CAMTA1: variants seen among roughly 807,000 people sequenced by gnomAD.
CAMTA1 encodes the protein calmodulin-binding transcription activator 1.
A neutral mutation model predicts 170.9 loss-of-function variants in CAMTA1; 27 were observed. The ratio of observed to expected loss-of-function variants is 0.16; its 90% confidence interval spans 0.12 to 0.22. The LOEUF (loss-of-function observed/expected upper bound fraction) is 0.22, where lower values mean the gene tolerates loss of function less well. Ranked by LOEUF, CAMTA1 falls within the 10% of genes least tolerant of loss-of-function variation. The pLI is 1.00. For synonymous variants in CAMTA1, 833 were observed against 891.5 expected (o/e 0.93, Z 1.17); for missense variants, 1,619 against 2,217.2 (o/e 0.73, Z 5.42).
intron 5 of CAMTA1, among the ~76,000 whole-genome samples, chr1:7,444,490 C>G (rs980489823): frequency 3.9e-5 from 6 of 152,238 alleles, no homozygotes; most frequent in African/African-American, 1.4e-4. Flanking sequence ...GTTCTGTTTG[C>G]TGCTTCCCTC....
intron 5 of CAMTA1, among the ~76,000 whole-genome samples, chr1:7,442,632 T>C (rs1575355362): frequency 6.6e-6 from 1 of 152,254 alleles, no homozygotes; most frequent in Middle Eastern, 3.4e-3. Context: ...CCTGCCTCCA[T>C]GGTTTACTCA....
chr1:7,517,375 CT>C (rs1273712988), intron 6 of CAMTA1, among the ~76,000 whole-genome samples: 1 of 152,140 alleles, frequency 6.6e-6, no homozygotes, highest in Non-Finnish European at 1.5e-5. Flanking sequence ...TGGCCAAGGA[CT>C]TTAATTTCCC....
intron 5 of CAMTA1, among the ~76,000 whole-genome samples, chr1:7,404,497 G>A (rs2090146391): frequency 1.3e-5 from 2 of 152,258 alleles, no homozygotes; most frequent in South Asian, 2.1e-4. Flanking sequence ...AGAGTGGCCT[G>A]TTGCCACGCA....
chr1:7,488,505 A>C (rs1177275055), intron 6 of CAMTA1, among the ~76,000 whole-genome samples: 1 of 152,090 alleles, frequency 6.6e-6, no homozygotes, highest in Non-Finnish European at 1.5e-5. Context: ...ACACACACGC[A>C]CATACACACA....
At chr1:7,159,547 CTTGTTTTTGTTT>C (rs1158894329) in intron 4 of CAMTA1, among the ~76,000 whole-genome samples, 2 of 152,066 alleles carry the variant, frequency 1.3e-5, no homozygotes, top group African/African-American at 4.8e-5. Context: ...TGTTTTCGTT[CTTGTTTTTGTTT>C]TTGAGACAGG....
At chr1:7,421,362 C>T (rs887857827) in intron 5 of CAMTA1, among the ~76,000 whole-genome samples, 39 of 152,066 alleles carry the variant, frequency 2.6e-4, no homozygotes, top group Admixed American at 5.2e-4. Context: ...CCATGTTGGC[C>T]GGGATGGTCT....
At chr1:7,617,315 G>C (rs1228388923) in intron 6 of CAMTA1, among the ~76,000 whole-genome samples, 1 of 152,226 alleles carries the variant, frequency 6.6e-6, no homozygotes, top group East Asian at 1.9e-4. Context: ...AGATGACAGA[G>C]CACAAAAGTG....
chr1:7,731,741 G>A (rs1407556872), intron 11 of CAMTA1, among the ~76,000 whole-genome samples: 1 of 152,138 alleles, frequency 6.6e-6, no homozygotes, highest in Non-Finnish European at 1.5e-5. Context: ...GCTGGGCATG[G>A]TGGTGCACAC....
intron 11 of CAMTA1, among the ~76,000 whole-genome samples, chr1:7,686,201 G>A (rs1038686540): frequency 1.3e-5 from 2 of 152,126 alleles, no homozygotes; most frequent in African/African-American, 2.4e-5. Context: ...CTATTCTAGC[G>A]GGGGAGAAAG....
chr1:7,418,209 T>A (rs1202588783), intron 5 of CAMTA1, among the ~76,000 whole-genome samples: 3 of 152,186 alleles, frequency 2.0e-5, no homozygotes. Flanking sequence ...TTTGTTGTTG[T>A]TGTTGAGATG....
chr1:7,355,217 AAAAAAAG>A (rs2149922827), intron 5 of CAMTA1, among the ~76,000 whole-genome samples: 1 of 151,590 alleles, frequency 6.6e-6, no homozygotes, highest in African/African-American at 2.4e-5. Context: ...AAAAAAAAAA[AAAAAAAG>A]AAAGAAAAAA....
chr1:7,365,038 C>T (rs887153172), intron 5 of CAMTA1, among the ~76,000 whole-genome samples: 2 of 152,218 alleles, frequency 1.3e-5, no homozygotes, highest in African/African-American at 4.8e-5. Flanking sequence ...TGCAGAACAC[C>T]TCCCATGACC....
chr1:7,109,595 A>T (rs767440790), intron 4 of CAMTA1, among the ~76,000 whole-genome samples: 159 of 152,318 alleles, frequency 1.0e-3, no homozygotes, highest in Non-Finnish European at 1.7e-3. Context: ...TTTCAGACAG[A>T]CACGACTCAT....
intron 5 of CAMTA1, chr1:7,382,411 C>T (rs981896691): frequency 1.6e-4 from 25 of 152,220 alleles, no homozygotes; most frequent in African/African-American, 6.0e-4. Context: ...CTCTGTGATG[C>T]TTAGCGTAGT....
chr1:7,666,992 G>A (rs1029430417), intron 9 of CAMTA1, among the ~76,000 whole-genome samples: 6 of 152,104 alleles, frequency 3.9e-5, no homozygotes, highest in Admixed American at 6.5e-5. Flanking sequence ...AGGTTCAAGC[G>A]ATTCTCCTGC....
At chr1:6,834,445 G>T in intron 3 of CAMTA1, 2 of 232,370 alleles carry the variant, frequency 8.6e-6, no homozygotes, top group Non-Finnish European at 1.8e-5. Context: ...GGCCAGTCCT[G>T]GTGGCATTTT....
intron 6 of CAMTA1, among the ~76,000 whole-genome samples, chr1:7,638,487 A>G (rs2148916904): frequency 6.6e-6 from 1 of 152,244 alleles, no homozygotes; most frequent in South Asian, 2.1e-4. Flanking sequence ...CTAAAAATAC[A>G]AAAATTAGCC....
At chr1:7,431,025 C>T (rs752462551) in intron 5 of CAMTA1, among the ~76,000 whole-genome samples, 1 of 152,144 alleles carries the variant, frequency 6.6e-6, no homozygotes, top group African/African-American at 2.4e-5. Context: ...CATAGTTTTC[C>T]AACTCACAAT....
At chr1:7,123,624 C>A (rs1187019712) in intron 4 of CAMTA1, among the ~76,000 whole-genome samples, 1 of 152,186 alleles carries the variant, frequency 6.6e-6, no homozygotes, top group Non-Finnish European at 1.5e-5. Context: ...TTTGGATAAG[C>A]CCTGGGCACC....
Sources: allele counts gnomAD v4.1 joint callset (sites outside exome capture counted in the v4.1 genomes callset), GRCh38; gene constraint gnomAD v4.1.1; transcripts MANE v1.5; gene names NCBI Gene and HGNC (gene_info 2026-07-23, HGNC 2026-07-21).